The following POT1 variants were observed in gnomAD, a reference collection of about 807,000 sequenced individuals.
The protein encoded by POT1 is protection of telomeres 1.
Under a neutral mutation model 78.5 loss-of-function variants are expected in POT1, and 47 were observed. The observed-to-expected ratio is 0.60, with a 90% CI of 0.47 to 0.76. The LOEUF (loss-of-function observed/expected upper bound fraction) is 0.76, where lower values mean the gene tolerates loss of function less well. Among genes scored for constraint, POT1 ranks in the 30% least tolerant of loss-of-function variants. The pLI, the probability that POT1 is intolerant of heterozygous loss-of-function variation, is 0.00. For missense variants in POT1, 646 were observed against 749.9 expected (o/e 0.86, Z 1.62); for synonymous variants, 259 against 260.7 (o/e 0.99, Z 0.06).
intron 3 of POT1, among the ~76,000 whole-genome samples, chr7:124,907,677 G>A (rs1796798092): frequency 6.6e-6 from 1 of 152,078 alleles, no homozygotes; most frequent in Non-Finnish European, 1.5e-5. Flanking sequence ...TGATAATGAT[G>A]TCATTGCAGG....
intron 1 of POT1, among the ~76,000 whole-genome samples, chr7:124,929,301 G>T (rs1213621083): frequency 1.3e-5 from 2 of 151,236 alleles, no homozygotes; most frequent in Non-Finnish European, 3.0e-5. Flanking sequence ...ATTTATTGGG[G>T]AAGAGGGAGG....
Position 124,900,728 on chromosome 7 carries a change from C to T in POT1, c.-153-2354G>A, listed in dbSNP as rs151190554. 1.3e-3 allele frequency: 322 copies of T among 240,420 alleles called. 7 individuals carry two copies. In the East Asian group the frequency reaches 0.029, roughly 21 times the overall value. 14.9% of individuals were successfully genotyped at this position (240,420 alleles called of 1,614,324 possible). On this transcript the variant is annotated intron_variant, in intron 3 of 18. Transcript: ENST00000357628. ...GCCTCACTGGGGAAGTGCAAGGGGT[C>T]GGGGAATTCCCTTTCCTAGCCAAGG...
chr7:124,826,086 G>A (rs1794623554), intron 17 of POT1, among the ~76,000 whole-genome samples: 2 of 152,142 alleles, frequency 1.3e-5, no homozygotes, highest in Non-Finnish European at 2.9e-5. Flanking sequence ...GGAAAGTTTG[G>A]AGCATGTGGT....
In POT1 at chr7:124,859,987, AG is replaced by A. The variant is rs561859703; in HGVS notation, c.547-876del. Among the ~76,000 whole-genome samples, 4 of 152,198 alleles carry A rather than the reference AG, an allele frequency of 2.6e-5. No individual in the cohort carries two copies. The South Asian group carries it at 8.3e-4, about 32-fold the overall frequency. ...ATAAATGCACTGTGGTTAGTAAAAA[AG>A]GTACCAATATTAATATTGTGCCCAG... On this transcript the variant is annotated intron_variant, in intron 8 of 18. Transcript: ENST00000357628.
At chr7:124,843,674 G>A (rs576798370) in intron 12 of POT1, among the ~76,000 whole-genome samples, 1 of 152,268 alleles carries the variant, frequency 6.6e-6, no homozygotes, top group Admixed American at 6.5e-5. Flanking sequence ...AGTTTTTACT[G>A]GGAAAAAGTA....
At chr7:124,906,146 G>A (rs1247901171) in intron 3 of POT1, among the ~76,000 whole-genome samples, 1 of 151,932 alleles carries the variant, frequency 6.6e-6, no homozygotes, top group Non-Finnish European at 1.5e-5. Context: ...TGGGTATATA[G>A]CCAAAGGATT....
At chr7:124,886,006 G>T (rs769283528) in intron 6 of POT1, among the ~76,000 whole-genome samples, 1 of 152,044 alleles carries the variant, frequency 6.6e-6, no homozygotes, top group Non-Finnish European at 1.5e-5. Context: ...AGGTGAATAT[G>T]AACTTAGGAA....
intron 6 of POT1, among the ~76,000 whole-genome samples, chr7:124,874,162 G>GT (rs1449068777): frequency 2.0e-5 from 3 of 152,136 alleles, no homozygotes; most frequent in African/African-American, 7.2e-5. Context: ...CTGGGAAGTG[G>GT]TAAGACTTCT....
intron 2 of POT1, among the ~76,000 whole-genome samples, chr7:124,917,067 G>C (rs1200078891): frequency 1.3e-5 from 2 of 152,120 alleles, no homozygotes; most frequent in Admixed American, 1.3e-4. Flanking sequence ...GTTAGGGATG[G>C]GCAGGAACGG....
intron 3 of POT1, among the ~76,000 whole-genome samples, chr7:124,907,538 G>A (rs894649366): frequency 3.9e-5 from 6 of 152,108 alleles, no homozygotes; most frequent in South Asian, 2.1e-4. Context: ...GAGCACAGAC[G>A]ATTTTTAGGG....
chr7:124,917,234 A>C (rs548041098), intron 2 of POT1, among the ~76,000 whole-genome samples: 1 of 152,272 alleles, frequency 6.6e-6, no homozygotes, highest in African/African-American at 2.4e-5. Flanking sequence ...CCTAGTAAAA[A>C]GTAACATGGT....
intron 14 of POT1, among the ~76,000 whole-genome samples, chr7:124,837,884 G>A (rs1012369306): frequency 2.0e-5 from 3 of 152,034 alleles, no homozygotes; most frequent in African/African-American, 7.2e-5. Flanking sequence ...AGGTAGGCAA[G>A]GCTGGTTAAA....
rs548875178 is a variant in POT1, at chr7:124,929,775, C to T, written c.-412+19G>A. On this transcript the variant is annotated intron_variant, in intron 1 of 18. Transcript: ENST00000357628. ...CACCCACTCAAATGAACACACCAAA[C>T]CTTACAAATTTCACTCACCCGTACT... The T allele has an allele frequency of 2.0e-5, 3 of 152,330 alleles. No individual in the cohort carries two copies. In the East Asian group the frequency reaches 5.8e-4, roughly 29 times the overall value. 9.4% of individuals were successfully genotyped at this position (152,330 alleles called of 1,614,324 possible).
At chr7:124,875,890 T>G (rs1025748372) in intron 6 of POT1, among the ~76,000 whole-genome samples, 9 of 152,198 alleles carry the variant, frequency 5.9e-5, no homozygotes, top group Non-Finnish European at 2.9e-5. Context: ...TTCTTTCATC[T>G]TACATGATAT....
At chr7:124,860,391 C>T (rs1309205179) in intron 8 of POT1, among the ~76,000 whole-genome samples, 1 of 152,082 alleles carries the variant, frequency 6.6e-6, no homozygotes, top group Non-Finnish European at 1.5e-5. Context: ...AAATAGTGTA[C>T]ACAATTCTCT....
At chr7:124,843,342 T>A (rs1337734497) in intron 12 of POT1, 1 of 155,030 alleles carries the variant, frequency 6.5e-6, no homozygotes, top group East Asian at 1.9e-4. Context: ...TTGTAAAATA[T>A]TATTTGCAAA....
chr7:124,910,470 T>C (rs1025113260), intron 3 of POT1, among the ~76,000 whole-genome samples: 4 of 151,894 alleles, frequency 2.6e-5, no homozygotes, highest in Non-Finnish European at 1.5e-5. Flanking sequence ...GAAAAACATA[T>C]ACGAAGACAC....
intron 14 of POT1, 76 bp from the exon 15 acceptor site, chr7:124,835,490 T>A (rs1463856038): frequency 1.7e-5 from 25 of 1,455,118 alleles, no homozygotes; most frequent in Non-Finnish European, 2.3e-5. Context: ...AAATAACGTG[T>A]GAGGTATAAT....
At chr7:124,886,767 T>C (rs997476962) in intron 6 of POT1, among the ~76,000 whole-genome samples, 4 of 152,118 alleles carry the variant, frequency 2.6e-5, no homozygotes, top group Non-Finnish European at 4.4e-5. Flanking sequence ...TTGTTCCCCA[T>C]GGCTTTCATT....
Sources: gnomAD v4.1 joint callset for allele counts (sites outside exome capture counted in the v4.1 genomes callset) on GRCh38, gnomAD v4.1.1 for gene constraint, MANE v1.5 for transcripts, NCBI Gene and HGNC (gene_info 2026-07-23, HGNC 2026-07-21) for gene names.